The following CAPS2 variants were observed in gnomAD, a reference collection of about 807,000 sequenced individuals.
The protein encoded by CAPS2 is calcyphosin-2.
In CAPS2, 98 loss-of-function variants were observed where a neutral mutation model predicts 86.5. That is an observed-to-expected ratio of 1.13 (90% CI 0.96 to 1.34). The LOEUF (loss-of-function observed/expected upper bound fraction) is 1.34, where lower values mean the gene tolerates loss of function less well. CAPS2 is among the 40% of genes most tolerant of loss of function. CAPS2 has a pLI of 0.00. For missense variants in CAPS2, 729 were observed against 686.8 expected (o/e 1.06, Z -0.69); for synonymous variants, 210 against 225.1 (o/e 0.93, Z 0.60).
intron 1 of CAPS2, among the ~76,000 whole-genome samples, chr12:75,358,049 G>A (rs545609783): frequency 2.0e-5 from 3 of 149,442 alleles, no homozygotes; most frequent in South Asian, 2.1e-4. Flanking sequence ...TAAAAACATC[G>A]ATGAAAACTA....
At chr12:75,361,627 A>G (rs2043599408) in intron 1 of CAPS2, among the ~76,000 whole-genome samples, 1 of 152,214 alleles carries the variant, frequency 6.6e-6, no homozygotes. Context: ...GGAAACTTAC[A>G]ATCATGACAG....
At chr12:75,343,376 A>G (rs1244958401) in intron 1 of CAPS2, among the ~76,000 whole-genome samples, 1 of 151,954 alleles carries the variant, frequency 6.6e-6, no homozygotes, top group Non-Finnish European at 1.5e-5. Flanking sequence ...AATTAACATG[A>G]CCTTCTGAAT....
intron 1 of CAPS2, among the ~76,000 whole-genome samples, chr12:75,335,712 T>C (rs2041686027): frequency 6.6e-6 from 1 of 152,074 alleles, no homozygotes; most frequent in Non-Finnish European, 1.5e-5. Flanking sequence ...TATATTTTGA[T>C]GGAGAAAGAT....
chr12:75,314,298 A>G (rs1310173305), intron 6 of CAPS2, among the ~76,000 whole-genome samples: 1 of 151,922 alleles, frequency 6.6e-6, no homozygotes, highest in Non-Finnish European at 1.5e-5. Context: ...GTTAAATAAC[A>G]CTCTTATTTA....
At chr12:75,280,948 G>A (rs1448915962) in intron 16 of CAPS2, among the ~76,000 whole-genome samples, 2 of 151,834 alleles carry the variant, frequency 1.3e-5, no homozygotes, top group Non-Finnish European at 2.9e-5. Flanking sequence ...GTATTCTATA[G>A]TATTTAGCAG....
chr12:75,372,605 C>T (rs774648422), intron 1 of CAPS2, among the ~76,000 whole-genome samples: 10 of 152,092 alleles, frequency 6.6e-5, no homozygotes, highest in Non-Finnish European at 1.0e-4. Flanking sequence ...TGCCTGGACT[C>T]GTGAATCCTG....
chr12:75,293,445 G>T, intron 11 of CAPS2, 78 bp from the exon 12 acceptor site: 1 of 892,598 alleles, frequency 1.1e-6, no homozygotes, highest in South Asian at 1.5e-5. Context: ...TTAAATAATG[G>T]ATTTTGATTA....
At chr12:75,384,730 T>C (rs2045194101) in intron 1 of CAPS2, among the ~76,000 whole-genome samples, 1 of 152,204 alleles carries the variant, frequency 6.6e-6, no homozygotes, top group Non-Finnish European at 1.5e-5. Flanking sequence ...ACGTCTCTCA[T>C]GAACATAGAT....
exon 17 of CAPS2, chr12:75,278,991 C>T (rs1565746117): frequency 3.1e-6 from 5 of 1,610,696 alleles, no homozygotes; most frequent in Non-Finnish European, 3.4e-6. Context: ...CCATATGACA[C>T]TTCATCAGAC....
At chr12:75,293,827 C>A (rs2036427783) in intron 11 of CAPS2, among the ~76,000 whole-genome samples, 1 of 152,174 alleles carries the variant, frequency 6.6e-6, no homozygotes, top group African/African-American at 2.4e-5. Context: ...AAAACTTCAG[C>A]CACAAAATTC....
At chr12:75,332,873 T>C (rs570679889), upstream of CAPS2, among the ~76,000 whole-genome samples, 4 of 152,206 alleles carry the variant, frequency 2.6e-5, no homozygotes, top group South Asian at 6.2e-4. Flanking sequence ...ACAGGTTAAA[T>C]GGATAGGCAC....
chr12:75,281,851 T>C (rs1208923900), intron 16 of CAPS2, among the ~76,000 whole-genome samples: 1 of 152,120 alleles, frequency 6.6e-6, no homozygotes, highest in Non-Finnish European at 1.5e-5. Context: ...ATTCTATGTA[T>C]AGCTCCATCC....
intron 1 of CAPS2, among the ~76,000 whole-genome samples, chr12:75,367,947 C>T (rs1358251110): frequency 6.6e-6 from 1 of 152,066 alleles, no homozygotes; most frequent in Non-Finnish European, 1.5e-5. Flanking sequence ...TCCTCATAGC[C>T]AGGTTATAAA....
chr12:75,329,687 C>A, upstream of CAPS2: 1 of 490,524 alleles, frequency 2.0e-6, no homozygotes. Flanking sequence ...AGGTAGGGAC[C>A]AAGTCTATGT....
intron 5 of CAPS2, among the ~76,000 whole-genome samples, chr12:75,319,784 G>T (rs944821345): frequency 3.9e-5 from 6 of 152,036 alleles, no homozygotes; most frequent in African/African-American, 1.4e-4. Flanking sequence ...TTTACATGTT[G>T]ATCTCTGCTT....
intron 1 of CAPS2, among the ~76,000 whole-genome samples, chr12:75,338,829 C>G (rs2041909682): frequency 7.4e-6 from 1 of 135,148 alleles, no homozygotes; most frequent in Admixed American, 7.3e-5. Flanking sequence ...TCAGCTCCCA[C>G]TTATAAGTGA....
At chr12:75,307,919 C>G (rs975932517) in intron 7 of CAPS2, among the ~76,000 whole-genome samples, 1 of 152,088 alleles carries the variant, frequency 6.6e-6, no homozygotes, top group Non-Finnish European at 1.5e-5. Context: ...AACCTAAGGT[C>G]CATTCACACT....
chr12:75,371,946 C>T (rs993868183), intron 1 of CAPS2, among the ~76,000 whole-genome samples: 19 of 152,154 alleles, frequency 1.2e-4, no homozygotes, highest in Middle Eastern at 3.2e-3. Flanking sequence ...TATGGAGTCT[C>T]CTGTATTCCA....
At chr12:75,282,229 C>T (rs762492521) in intron 16 of CAPS2, 22 bp downstream of exon 16, 6 of 1,204,738 alleles carry the variant, frequency 5.0e-6, no homozygotes, top group South Asian at 2.4e-5. Flanking sequence ...AAGTCCAATG[C>T]ATTTTAACTC....
Sources: allele counts gnomAD v4.1 joint callset (sites outside exome capture counted in the v4.1 genomes callset), GRCh38; gene constraint gnomAD v4.1.1; transcripts MANE v1.5; gene names NCBI Gene and HGNC (gene_info 2026-07-23, HGNC 2026-07-21).